Variants in ABL1 observed in about 807,000 individuals in gnomAD.
ABL1 encodes tyrosine-protein kinase ABL1.
A neutral mutation model predicts 94.7 loss-of-function variants in ABL1; 11 were observed. The observed-to-expected ratio is 0.12, with a 90% confidence interval of 0.07 to 0.19. The LOEUF is 0.19. Ranked by LOEUF, ABL1 falls within the 10% of genes least tolerant of loss-of-function variation. ABL1 has a pLI of 1.00. For missense variants in ABL1, 1,082 were observed against 1,489.4 expected, an observed-to-expected ratio of 0.73 and a Z score of 4.50; for synonymous variants, 656 against 622.4, an observed-to-expected ratio of 1.05 and a Z score of -0.80.
intron 1 of ABL1, among the ~76,000 whole-genome samples, chr9:130,808,935 T>G (rs1421519991): frequency 6.6e-6 from 1 of 152,178 alleles, no homozygotes; most frequent in Non-Finnish European, 1.5e-5. Context: ...GAACAGCGAA[T>G]CCTGAGACCT....
chr9:130,803,633 T>C (rs1483116657), intron 1 of ABL1, among the ~76,000 whole-genome samples: 1 of 152,180 alleles, frequency 6.6e-6, no homozygotes, highest in African/African-American at 2.4e-5. Context: ...GAATCTGTTA[T>C]CTGGAGGTAG....
intron 1 of ABL1, among the ~76,000 whole-genome samples, chr9:130,808,505 A>T (rs966895175): frequency 6.6e-6 from 1 of 152,138 alleles, no homozygotes; most frequent in Non-Finnish European, 1.5e-5. Context: ...TGGCCTCCCA[A>T]AGTGCTGGGA....
intron 1 of ABL1, among the ~76,000 whole-genome samples, chr9:130,809,387 A>T (rs902067995): frequency 9.1e-4 from 52 of 57,016 alleles, no homozygotes; most frequent in African/African-American, 4.8e-3. Flanking sequence ...TTCTTGAGAG[A>T]GAGAGAGAGA....
chr9:130,885,360 A>G lies in ABL1; in HGVS notation c.3070A>G (p.Ser1024Gly). 1.2e-6 allele frequency: 2 copies of G among 1,613,658 alleles called. No homozygotes were observed. The highest frequency in any genetic ancestry group is 1.1e-5 in the South Asian group (1 of 91,082). ...KTRQPPERIA[S>G]GAITKGVVLD... ...CCGCCAGCCTCCAGAGCGGATCGCCAGCGGCGCCATCACCAAGGGCGTGGT... is the reference window on the plus strand; with the variant it reads ...CCGCCAGCCTCCAGAGCGGATCGCCGGCGGCGCCATCACCAAGGGCGTGGT... Residue 1024 changes from serine to glycine, a missense_variant, in exon 11 of 11, where the codon AGC becomes GGC. By Grantham distance (56) the Ser-to-Gly change is moderately conservative. Transcript: ENST00000318560.
chr9:130,876,740 T>C (rs1190598383), intron 7 of ABL1, among the ~76,000 whole-genome samples: 1 of 135,016 alleles, frequency 7.4e-6, no homozygotes, highest in African/African-American at 2.9e-5. Flanking sequence ...TTTCTTTTTT[T>C]TTTTTTTTTT....
intron 1 of ABL1, among the ~76,000 whole-genome samples, chr9:130,783,666 T>G (rs926279539): frequency 6.6e-6 from 1 of 151,688 alleles, no homozygotes; most frequent in Non-Finnish European, 1.5e-5. Flanking sequence ...TTGTTTTTTG[T>G]TTTTTTTGTG....
chr9:130,798,316 T>A (rs1353201818), intron 1 of ABL1, among the ~76,000 whole-genome samples: 1 of 152,214 alleles, frequency 6.6e-6, no homozygotes, highest in East Asian at 1.9e-4. Context: ...TAATTTACTT[T>A]GTGGACATCA....
chr9:130,843,876 C>T (rs1830716977), intron 1 of ABL1, among the ~76,000 whole-genome samples: 1 of 152,058 alleles, frequency 6.6e-6, no homozygotes, highest in Non-Finnish European at 1.5e-5. Flanking sequence ...CAGTCTCAAC[C>T]CTGAAGAGCC....
rs1156691185 is a variant in ABL1 at position 130,866,987 on chromosome 9, A to AT, written c.822+3958dup. Among the ~76,000 whole-genome samples the AT allele has an allele frequency of 2.0e-5, 3 of 152,136 alleles. 1 individual carries two copies. The highest frequency in any genetic ancestry group is 1.3e-4 in the Admixed American group (2 of 15,272). On this transcript the variant is annotated intron_variant, in intron 4 of 10. Coordinates refer to ENST00000318560, the MANE Select transcript of ABL1 (RefSeq NM_005157.6). The stretch of plus-strand genomic sequence containing the variant: ...CACTGTGCCCAGCTAAGAGGCTGCA[A>AT]TTTTTTAATGAACTGTATTCAGAGT...
At chr9:130,745,851 A>T (rs1450065155) in intron 1 of ABL1, among the ~76,000 whole-genome samples, 1 of 151,842 alleles carries the variant, frequency 6.6e-6, no homozygotes, top group Non-Finnish European at 1.5e-5. Flanking sequence ...TGAAGATCAA[A>T]TAAATAAAGT....
At chr9:130,870,426 C>T (rs1164895846) in intron 4 of ABL1, among the ~76,000 whole-genome samples, 1 of 152,148 alleles carries the variant, frequency 6.6e-6, no homozygotes, top group East Asian at 1.9e-4. Context: ...AGAAAAACCC[C>T]ACTTGCTTCG....
At chr9:130,724,800 C>T (rs571730911) in intron 1 of ABL1, 24 of 474,350 alleles carry the variant, frequency 5.1e-5, no homozygotes, top group Non-Finnish European at 5.8e-5. Flanking sequence ...GAACTGGATG[C>T]TGCAACAGCT....
chr9:130,825,889 C>A (rs1830419000), intron 1 of ABL1, among the ~76,000 whole-genome samples: 1 of 152,226 alleles, frequency 6.6e-6, no homozygotes, highest in South Asian at 2.1e-4. Flanking sequence ...TCTTCGCCAT[C>A]AGCGAAATTA....
intron 1 of ABL1, among the ~76,000 whole-genome samples, chr9:130,820,278 A>G (rs1381869916): frequency 6.6e-6 from 1 of 152,156 alleles, no homozygotes; most frequent in Non-Finnish European, 1.5e-5. Context: ...GGGTCATGGT[A>G]TGTAGTTGGG....
chr9:130,802,544 C>T (rs1164082856), intron 1 of ABL1, among the ~76,000 whole-genome samples: 1 of 152,050 alleles, frequency 6.6e-6, no homozygotes, highest in Non-Finnish European at 1.5e-5. Flanking sequence ...TCTAGAATTG[C>T]CATTTAATTA....
At chr9:130,718,278 A>G (rs558558626) in intron 1 of ABL1, among the ~76,000 whole-genome samples, 1 of 144,688 alleles carries the variant, frequency 6.9e-6, no homozygotes, top group Non-Finnish European at 1.5e-5. Flanking sequence ...AGATCGCACC[A>G]CTGCACTTCA....
rs575581119 is a variant in ABL1, at chr9:130,805,411, T to C, written c.137-48653T>C. Among the ~76,000 whole-genome samples the C allele has an allele frequency of 2.6e-5, 4 of 152,368 alleles. No individual in the cohort carries two copies. In the East Asian group the frequency reaches 7.7e-4, roughly 29 times the overall value. Reference sequence around the variant, plus strand: ...ATTTTCAAAGTGGCACATTTTAATATGAATAAACCTTCTACAATCACAGGC... The same window carrying C: ...ATTTTCAAAGTGGCACATTTTAATACGAATAAACCTTCTACAATCACAGGC... On this transcript the variant is annotated intron_variant, in intron 1 of 10. Coordinates refer to the ABL1 transcript ENST00000372348.
chr9:130,735,698 C>A (rs1025045290), intron 1 of ABL1, among the ~76,000 whole-genome samples: 3 of 151,456 alleles, frequency 2.0e-5, no homozygotes, highest in Non-Finnish European at 4.4e-5. Flanking sequence ...GTTTTCCAAC[C>A]AGTTCCCTTT....
chr9:130,852,248 G>A (rs1416849788), intron 1 of ABL1, among the ~76,000 whole-genome samples: 2 of 152,026 alleles, frequency 1.3e-5, no homozygotes, highest in Admixed American at 1.3e-4. Flanking sequence ...AGAGTGCAGA[G>A]ACGAGATCTC....
Sources: allele counts gnomAD v4.1 joint callset (sites outside exome capture counted in the v4.1 genomes callset), GRCh38; gene constraint gnomAD v4.1.1; transcripts MANE v1.5; gene names NCBI Gene and HGNC (gene_info 2026-07-23, HGNC 2026-07-21).